MAGI3: variants seen among roughly 807,000 people sequenced by gnomAD.
MAGI3 encodes the protein membrane-associated guanylate kinase, WW and PDZ domain-containing protein 3.
A neutral mutation model predicts 121.8 loss-of-function variants in MAGI3; 43 were observed. The observed-to-expected ratio is 0.35, with a 90% CI of 0.28 to 0.46. The LOEUF is 0.46. Among genes scored for constraint, MAGI3 ranks in the 20% least tolerant of loss-of-function variants. The pLI is 1.00. For synonymous variants in MAGI3, 553 were observed against 639.3 expected, an observed-to-expected ratio of 0.86 and a Z score of 2.04; for missense variants, 1,547 against 1,797.3, an observed-to-expected ratio of 0.86 and a Z score of 2.52.
chr1:113,620,363 G>T (rs1290691450), intron 8 of MAGI3, among the ~76,000 whole-genome samples: 1 of 152,074 alleles, frequency 6.6e-6, no homozygotes, highest in Non-Finnish European at 1.5e-5. Context: ...GTCTAATCAT[G>T]TGTATTTTGA....
At chr1:113,552,697 G>C (rs1474820682) in intron 2 of MAGI3, among the ~76,000 whole-genome samples, 1 of 151,902 alleles carries the variant, frequency 6.6e-6, no homozygotes, top group Non-Finnish European at 1.5e-5. Flanking sequence ...AATTTATTTT[G>C]TTTCATTTCA....
At chr1:113,409,017 A>G (rs554599824) in intron 1 of MAGI3, among the ~76,000 whole-genome samples, 5 of 152,068 alleles carry the variant, frequency 3.3e-5, no homozygotes, top group Non-Finnish European at 5.9e-5. Context: ...TGATCTATTT[A>G]TTACTGATGC....
intron 1 of MAGI3, among the ~76,000 whole-genome samples, chr1:113,405,891 G>A (rs1445630335): frequency 6.6e-6 from 1 of 152,116 alleles, no homozygotes; most frequent in African/African-American, 2.4e-5. Flanking sequence ...TGTTCAGTCT[G>A]AGGAGTTAGG....
At chr1:113,514,514 C>G (rs931997081) in intron 1 of MAGI3, among the ~76,000 whole-genome samples, 3 of 151,790 alleles carry the variant, frequency 2.0e-5, no homozygotes, top group Non-Finnish European at 4.4e-5. Flanking sequence ...TCTCAGTAAA[C>G]TATCGCAAGA....
At chr1:113,563,080 G>A (rs375050460) in intron 2 of MAGI3, among the ~76,000 whole-genome samples, 1 of 152,132 alleles carries the variant, frequency 6.6e-6, no homozygotes, top group East Asian at 1.9e-4. Flanking sequence ...CAGTATTTTA[G>A]CAAGTCAATA....
chr1:113,536,515 C>G (rs1474966836), intron 1 of MAGI3, among the ~76,000 whole-genome samples: 1 of 152,088 alleles, frequency 6.6e-6, no homozygotes, highest in Non-Finnish European at 1.5e-5. Context: ...GACTGAATTG[C>G]TTTTTTCAAA....
At chr1:113,428,087 T>C (rs1653104984) in intron 1 of MAGI3, among the ~76,000 whole-genome samples, 2 of 152,322 alleles carry the variant, frequency 1.3e-5, no homozygotes, top group East Asian at 1.9e-4. Flanking sequence ...TTTTCCTCAC[T>C]CTGGCTTGCC....
intron 8 of MAGI3, among the ~76,000 whole-genome samples, chr1:113,621,610 G>A (rs1342425585): frequency 4.6e-5 from 7 of 151,566 alleles, no homozygotes. Flanking sequence ...ATTCATAATA[G>A]CCAAAAAGTG....
chr1:113,401,562 G>A (rs551858856), intron 1 of MAGI3, among the ~76,000 whole-genome samples: 2 of 152,164 alleles, frequency 1.3e-5, no homozygotes, highest in African/African-American at 4.8e-5. Flanking sequence ...AAATATATTA[G>A]ATACATATTT....
chr1:113,491,129 G>A (rs190264404), intron 1 of MAGI3, among the ~76,000 whole-genome samples: 2 of 152,294 alleles, frequency 1.3e-5, no homozygotes, highest in Admixed American at 6.5e-5. Context: ...ATAAGTGGAA[G>A]TAAAACACTC....
intron 2 of MAGI3, among the ~76,000 whole-genome samples, chr1:113,575,961 C>G (rs980421899): frequency 6.6e-6 from 1 of 152,170 alleles, no homozygotes; most frequent in Non-Finnish European, 1.5e-5. Context: ...CCACACAGTC[C>G]GAACTTCCTG....
intron 9 of MAGI3, among the ~76,000 whole-genome samples, chr1:113,637,598 C>T (rs927715143): frequency 6.6e-6 from 1 of 152,122 alleles, no homozygotes; most frequent in Non-Finnish European, 1.5e-5. Context: ...CCAAGAGATC[C>T]ACTGTTAGTC....
intron 1 of MAGI3, among the ~76,000 whole-genome samples, chr1:113,542,115 C>G (rs546082677): frequency 1.1e-4 from 16 of 152,286 alleles, no homozygotes; most frequent in African/African-American, 3.4e-4. Flanking sequence ...TAGTCCCCCC[C>G]TCCTTATTCT....
At position 113,450,411 on chromosome 1, in the gene MAGI3, G is replaced by A. The variant is rs146512707; in HGVS notation, c.316+59062G>A. ...TGGTGGATATAATGGATTTGGAGGTGATGGTGGCAACTATGGTGTGGTCCT... is the reference window on the plus strand; with the variant it reads ...TGGTGGATATAATGGATTTGGAGGTAATGGTGGCAACTATGGTGTGGTCCT... On this transcript the variant is annotated intron_variant, in intron 1 of 20. Coordinates refer to ENST00000307546, the MANE Select transcript of MAGI3 (RefSeq NM_001142782.2). 6,209 of 1,128,390 alleles carry A rather than the reference G, an allele frequency of 5.5e-3. 232 individuals are homozygous for A. In the African/African-American group the frequency reaches 0.082, roughly 15 times the overall value. The allele number at this position is 1,128,390 out of a possible 1,614,324, so 69.9% of individuals were successfully genotyped here. A position where few individuals can be genotyped will look rare whatever the true frequency, so the allele number is the denominator to read the frequency against.
chr1:113,536,467 C>G (rs1402368102), intron 1 of MAGI3, among the ~76,000 whole-genome samples: 1 of 152,082 alleles, frequency 6.6e-6, no homozygotes, highest in Admixed American at 6.6e-5. Context: ...CCTACTTTTT[C>G]TGTTGGCATA....
chr1:113,570,062 C>CA (rs1647215698), intron 2 of MAGI3, among the ~76,000 whole-genome samples: 1 of 152,008 alleles, frequency 6.6e-6, no homozygotes, highest in Non-Finnish European at 1.5e-5. Context: ...CCCCGACAGA[C>CA]CCCAGTGTGT....
chr1:113,437,878 C>CTTCTTCTTCTTCTTCTTCT (rs1159011889), intron 1 of MAGI3, among the ~76,000 whole-genome samples: 1 of 11,010 alleles, frequency 9.1e-5, no homozygotes, highest in Non-Finnish European at 1.5e-4. Context: ...TCTTCTTCTT[C>CTTCTTCTTCTTCTTCTTCT]TCCTTCTCCT....
At chr1:113,542,670 A>G (rs1233834861) in intron 1 of MAGI3, among the ~76,000 whole-genome samples, 3 of 152,244 alleles carry the variant, frequency 2.0e-5, no homozygotes, top group Non-Finnish European at 2.9e-5. Flanking sequence ...GTAGGCTGTT[A>G]TGAAACAGGA....
intron 1 of MAGI3, among the ~76,000 whole-genome samples, chr1:113,530,404 TA>T (rs1471098922): frequency 4.0e-5 from 6 of 149,592 alleles, no homozygotes; most frequent in African/African-American, 1.5e-4. Context: ...TAAACAAGAA[TA>T]CATGGACACA....
Sources: gnomAD v4.1 joint callset for allele counts (sites outside exome capture counted in the v4.1 genomes callset) on GRCh38, gnomAD v4.1.1 for gene constraint, MANE v1.5 for transcripts, NCBI Gene and HGNC (gene_info 2026-07-23, HGNC 2026-07-21) for gene names.